Variants in GPM6A observed in about 807,000 individuals in gnomAD.
GPM6A encodes the protein neuronal membrane glycoprotein M6-a.
In GPM6A, 7 loss-of-function variants were observed where a neutral mutation model predicts 32.1. The ratio of observed to expected loss-of-function variants is 0.22; its 90% CI spans 0.12 to 0.41. The LOEUF (loss-of-function observed/expected upper bound fraction) is 0.41, where lower values mean the gene tolerates loss of function less well. Among genes scored for constraint, GPM6A ranks in the 10% least tolerant of loss-of-function variants. The pLI, the probability that GPM6A is intolerant of heterozygous loss-of-function variation, is 1.00. For missense variants in GPM6A, 235 were observed against 347.2 expected (o/e 0.68, Z 2.57); for synonymous variants, 130 against 123.4 (o/e 1.05, Z -0.35).
chr4:175,989,980 AT>A (rs1329374446), intron 1 of GPM6A, among the ~76,000 whole-genome samples: 1 of 152,166 alleles, frequency 6.6e-6, no homozygotes. Context: ...CAACAAAGCA[AT>A]CCTGAATCAC....
intron 1 of GPM6A, among the ~76,000 whole-genome samples, chr4:175,844,754 C>T (rs1466265480): frequency 6.6e-6 from 1 of 152,100 alleles, no homozygotes; most frequent in Admixed American, 6.6e-5. Flanking sequence ...TTAAGAATTC[C>T]TCCAATGCCT....
upstream of GPM6A, chr4:175,813,212 A>C (rs1228741121): frequency 3.1e-6 from 1 of 325,894 alleles, no homozygotes; most frequent in African/African-American, 2.2e-5. Flanking sequence ...GGTCAGTGTT[A>C]GGGAATGAGA....
intron 1 of GPM6A, among the ~76,000 whole-genome samples, chr4:175,728,022 A>G (rs987635679): frequency 1.3e-5 from 2 of 151,640 alleles, no homozygotes; most frequent in Non-Finnish European, 2.9e-5. Flanking sequence ...AAAAAAAAAA[A>G]AACTTACCGG....
At chr4:175,797,063 A>G (rs1734262410) in intron 1 of GPM6A, among the ~76,000 whole-genome samples, 1 of 152,160 alleles carries the variant, frequency 6.6e-6, no homozygotes, top group African/African-American at 2.4e-5. Flanking sequence ...CAAATTTAAT[A>G]TCATATTCCA....
At chr4:175,654,554 T>C (rs1300817952) in intron 3 of GPM6A, among the ~76,000 whole-genome samples, 1 of 152,262 alleles carries the variant, frequency 6.6e-6, no homozygotes, top group African/African-American at 2.4e-5. Context: ...TGTAATTCTA[T>C]ATAGTCTTAT....
At chr4:175,948,339 T>A (rs1739681384) in intron 1 of GPM6A, among the ~76,000 whole-genome samples, 1 of 152,144 alleles carries the variant, frequency 6.6e-6, no homozygotes, top group South Asian at 2.1e-4. Context: ...ATGAGAGAAA[T>A]GATTTTTCTT....
At chr4:175,977,276 T>C (rs1298093832) in intron 1 of GPM6A, among the ~76,000 whole-genome samples, 2 of 152,222 alleles carry the variant, frequency 1.3e-5, no homozygotes, top group East Asian at 3.8e-4. Context: ...TTCACACCTT[T>C]AGTATTCCTA....
chr4:175,669,647 T>A (rs73875121), intron 3 of GPM6A, among the ~76,000 whole-genome samples: 4,282 of 152,284 alleles, frequency 0.028, 78 homozygotes, highest in Non-Finnish European at 0.038. Context: ...TCTTTAAAAC[T>A]TATATATGGA....
At chr4:175,888,006 A>G (rs1301608959) in intron 1 of GPM6A, among the ~76,000 whole-genome samples, 4 of 151,952 alleles carry the variant, frequency 2.6e-5, no homozygotes, top group Admixed American at 2.6e-4. Flanking sequence ...AAATCTTAAT[A>G]CCAAAGACAG....
At chr4:175,848,539 C>T (rs7656383) in intron 1 of GPM6A, among the ~76,000 whole-genome samples, 61,371 of 151,894 alleles carry the variant, frequency 0.4, 13,178 homozygotes, top group African/African-American at 0.57. Flanking sequence ...GTAATTTACC[C>T]GAAAACAGAT....
At chr4:175,661,928 A>AT (rs1742445257) in intron 3 of GPM6A, among the ~76,000 whole-genome samples, 1 of 152,202 alleles carries the variant, frequency 6.6e-6, no homozygotes, top group African/African-American at 2.4e-5. Context: ...AACTTCAAAT[A>AT]TTTAAAAATG....
At chr4:175,882,062 TTA>T (rs1323219890) in intron 1 of GPM6A, among the ~76,000 whole-genome samples, 2 of 152,046 alleles carry the variant, frequency 1.3e-5, no homozygotes, top group Non-Finnish European at 2.9e-5. Flanking sequence ...ATATAATTGT[TTA>T]GATTAATTAT....
Position 175,817,990 on chromosome 4 carries a change from C to T in GPM6A, c.-22-5741G>A, listed in dbSNP as rs1251305055. 2.0e-5 allele frequency among the ~76,000 whole-genome samples: 3 copies of T among 152,242 alleles called. No homozygotes were observed. In the East Asian group the frequency reaches 5.8e-4, roughly 29 times the overall value. ...TTAATATTTACCCCCAAGAAATTAC[C>T]TTTCGGGTATCTTAGGCTCTTTCTT... On this transcript the variant is annotated intron_variant, in intron 1 of 7. Transcript: ENST00000280187.
At chr4:175,979,387 T>C (rs1480623921) in intron 1 of GPM6A, among the ~76,000 whole-genome samples, 5 of 152,220 alleles carry the variant, frequency 3.3e-5, no homozygotes, top group African/African-American at 1.2e-4. Context: ...CAGCAGCCTA[T>C]TACTAAAGCA....
At chr4:175,814,837 A>G (rs1198270957), upstream of GPM6A, among the ~76,000 whole-genome samples, 3 of 152,152 alleles carry the variant, frequency 2.0e-5, no homozygotes, top group Non-Finnish European at 4.4e-5. Flanking sequence ...TGCCATTTTG[A>G]TCATTTTTAA....
intron 6 of GPM6A, among the ~76,000 whole-genome samples, chr4:175,639,657 G>T (rs1741022100): frequency 6.6e-6 from 1 of 152,084 alleles, no homozygotes; most frequent in Non-Finnish European, 1.5e-5. Context: ...CTAAAGACTG[G>T]CTCTTAATAT....
At chr4:175,703,211 A>G (rs1459786371) in intron 1 of GPM6A, among the ~76,000 whole-genome samples, 2 of 150,524 alleles carry the variant, frequency 1.3e-5, no homozygotes, top group Non-Finnish European at 3.0e-5. Context: ...TCACTCTGTC[A>G]CCCAGGCTGG....
chr4:175,834,953 T>C (rs1294922694), intron 1 of GPM6A, among the ~76,000 whole-genome samples: 2 of 152,214 alleles, frequency 1.3e-5, no homozygotes, highest in Non-Finnish European at 2.9e-5. Flanking sequence ...CTTTCTGTCC[T>C]AGAACTAACT....
chr4:175,737,761 C>G (rs867615050), intron 1 of GPM6A, among the ~76,000 whole-genome samples: 1 of 152,058 alleles, frequency 6.6e-6, no homozygotes, highest in Non-Finnish European at 1.5e-5. Context: ...CGAAGGGGAG[C>G]AGATGTATCA....
Sources: allele counts gnomAD v4.1 joint callset (sites outside exome capture counted in the v4.1 genomes callset), GRCh38; gene constraint gnomAD v4.1.1; transcripts MANE v1.5; gene names NCBI Gene and HGNC (gene_info 2026-07-23, HGNC 2026-07-21).